MS4A6E: variants seen among roughly 807,000 people sequenced by gnomAD.
The protein encoded by MS4A6E is membrane spanning 4-domains A6E, also known as membrane-spanning 4-domains subfamily A member 6E.
A neutral mutation model predicts 13.2 loss-of-function variants in MS4A6E; 8 were observed. The observed-to-expected ratio is 0.60, with a 90% confidence interval of 0.35 to 1.09. The LOEUF (loss-of-function observed/expected upper bound fraction) is 1.09, where lower values mean the gene tolerates loss of function less well. Ranked by LOEUF, MS4A6E falls within the 50% of genes least tolerant of loss-of-function variation. The pLI, the probability that MS4A6E is intolerant of heterozygous loss-of-function variation, is 0.02. For synonymous variants in MS4A6E, 72 were observed against 67.6 expected (o/e 1.06, Z -0.32); for missense variants, 177 against 171.1 (o/e 1.03, Z -0.19).
At chr11:60,344,781 C>T (rs1210393047), downstream of MS4A6E, among the ~76,000 whole-genome samples, 1 of 152,166 alleles carries the variant, frequency 6.6e-6, no homozygotes, top group African/African-American at 2.4e-5. Flanking sequence ...GATCAGCTAA[C>T]CTATTTCCTT....
chr11:60,342,178 T>A (rs61898273), downstream of MS4A6E, among the ~76,000 whole-genome samples: 41 of 27,798 alleles, frequency 1.5e-3, no homozygotes, highest in African/African-American at 3.9e-3. Context: ...TGTGTGTGTG[T>A]GAGAGAGAGA....
chr11:60,335,986 C>T (rs1356860312), intron 2 of MS4A6E, among the ~76,000 whole-genome samples: 1 of 152,064 alleles, frequency 6.6e-6, no homozygotes, highest in Non-Finnish European at 1.5e-5. Flanking sequence ...GGGAGAGGAT[C>T]AGGAAAAATA....
At chr11:60,344,650 G>T (rs1345259796), downstream of MS4A6E, among the ~76,000 whole-genome samples, 1 of 152,124 alleles carries the variant, frequency 6.6e-6, no homozygotes, top group East Asian at 1.9e-4. Context: ...CTTGAGAAGT[G>T]GCCCATTCTA....
chr11:60,331,638 A>T (rs1031405183), intron 1 of MS4A6E, among the ~76,000 whole-genome samples: 1 of 152,212 alleles, frequency 6.6e-6, no homozygotes, highest in African/African-American at 2.4e-5. Flanking sequence ...TCACATAAGG[A>T]TGAACATAAT....
chr11:60,336,650 AGGAG>A, intron 2 of MS4A6E, among the ~76,000 whole-genome samples: 1 of 152,202 alleles, frequency 6.6e-6, no homozygotes, highest in East Asian at 1.9e-4. Flanking sequence ...ACTGGCTACT[AGGAG>A]GCCCAGGAGT....
chr11:60,344,158 C>T (rs1279238166), downstream of MS4A6E, among the ~76,000 whole-genome samples: 2 of 152,200 alleles, frequency 1.3e-5, no homozygotes, highest in African/African-American at 4.8e-5. Flanking sequence ...TTTAAAAGGG[C>T]TCACTTTGTC....
chr11:60,335,137 C>T, intron 2 of MS4A6E, 95 bp downstream of exon 2: 1 of 1,513,180 alleles, frequency 6.6e-7, no homozygotes, highest in Admixed American at 2.2e-5. Flanking sequence ...AGTGTGGAGA[C>T]CCTTAAGTTT....
rs772408050 is a variant in MS4A6E, at chr11:60,335,033, A to G, written c.138A>G (p.Lys46=). The change falls in exon 2 of 5, where the codon AAA becomes AAG. Residue 46 remains lysine, a synonymous_variant. Coordinates refer to ENST00000684409, the MANE Select transcript of MS4A6E (RefSeq NM_139249.4). ...SLKKRLQAKV[K]VIGVHSSLAG... ...AGAAACGTCTACAGGCAAAAGTCAA[A>G]GTTATTGGGGTAAATCTAATTCAGA... 1.2e-6 allele frequency: 2 copies of G among 1,614,082 alleles called. No individual in the cohort carries two copies. The highest frequency in any genetic ancestry group is 1.6e-4 in the Middle Eastern group (1 of 6,062).
downstream of MS4A6E, among the ~76,000 whole-genome samples, chr11:60,343,636 G>A (rs1010059591): frequency 6.6e-6 from 1 of 152,202 alleles, no homozygotes; most frequent in Non-Finnish European, 1.5e-5. Flanking sequence ...GTGTTAAAAA[G>A]AAGTGCTAAT....
At chr11:60,328,276 T>C (rs2085132470) in intron 1 of MS4A6E, among the ~76,000 whole-genome samples, 1 of 152,100 alleles carries the variant, frequency 6.6e-6, no homozygotes, top group Non-Finnish European at 1.5e-5. Context: ...GTAAGTGAAA[T>C]TTAAAGATTT....
chr11:60,333,048 T>G (rs1401388330), intron 1 of MS4A6E, among the ~76,000 whole-genome samples: 6 of 152,258 alleles, frequency 3.9e-5, no homozygotes. Context: ...GGAAGAAACT[T>G]CTCACTTACA....
chr11:60,333,996 G>C (rs1211594828), intron 1 of MS4A6E, among the ~76,000 whole-genome samples: 1 of 152,186 alleles, frequency 6.6e-6, no homozygotes, highest in African/African-American at 2.4e-5. Context: ...CTGATACAGT[G>C]AGACTCGATC....
At chr11:60,343,224 G>A (rs1009712665), downstream of MS4A6E, among the ~76,000 whole-genome samples, 3 of 152,280 alleles carry the variant, frequency 2.0e-5, no homozygotes, top group South Asian at 6.2e-4. Context: ...GGGTACCATA[G>A]GCCATAACCA....
In MS4A6E at chr11:60,337,846, T is replaced by C; in HGVS notation, c.253T>C (p.Cys85Arg). The change falls in exon 3 of 5, where the codon TGT (cysteine) becomes CGT (arginine). Residue 85 changes from cysteine to arginine, a missense_variant. Cys to Arg is a radical substitution (Grantham distance 180). Coordinates refer to ENST00000684409, the MANE Select transcript of MS4A6E (RefSeq NM_139249.4). ...PAALNPASLQ[C>R]KLDEKDIPTR... ...TGCATTAAATCCTGCCTCATTGCAG[T>C]GTAAGTTGGACGAAAAGGATATACC... 1 of 1,614,210 alleles carries C rather than the reference T, an allele frequency of 6.2e-7. No homozygotes were observed. Among genetic ancestry groups the C allele is most frequent in the South Asian group, 1.1e-5 (1 of 91,076 alleles).
Position 60,337,896 on chromosome 11 carries a change from T to A in MS4A6E, c.303T>A (p.Asp101Glu), listed in dbSNP as rs140407670. Reference sequence around the variant, plus strand: ...CAACCAGACTTCTTCTTTCTTATGATTATCATTCACCTTACACCATGGACT... The same window carrying A: ...CAACCAGACTTCTTCTTTCTTATGAATATCATTCACCTTACACCATGGACT... Reference protein sequence around the residue: ...DIPTRLLLSYDYHSPYTMDCH... With the variant: ...DIPTRLLLSYEYHSPYTMDCH... Residue 101 changes from aspartate (D) to glutamate (E), a missense_variant, in exon 3 of 5, where the codon GAT (aspartate) becomes GAA (glutamate). Transcript: ENST00000684409. The A allele has an allele frequency of 2.4e-5, 38 of 1,614,080 alleles. No individual in the cohort carries two copies. The African/African-American group carries it at 4.9e-4, about 21-fold the overall frequency.
intron 1 of MS4A6E, among the ~76,000 whole-genome samples, chr11:60,328,161 G>T (rs1295336907): frequency 6.6e-6 from 1 of 152,042 alleles, no homozygotes; most frequent in Non-Finnish European, 1.5e-5. Flanking sequence ...GAACTAGGAT[G>T]TTTGGTGAAA....
Position 60,334,937 on chromosome 11 carries a change from C to G in MS4A6E, c.42C>G (p.Leu14=). 6.2e-7 allele frequency: 1 copy of G among 1,614,090 alleles called. No homozygotes were observed. The highest frequency in any genetic ancestry group is 1.1e-5 in the South Asian group (1 of 91,078). The change falls in exon 2 of 5, where the codon CTC becomes CTG. Residue 14 remains leucine (L), a synonymous_variant. Transcript: ENST00000684409. ...TTTCCAATGAGACCATCATAATGCT[C>G]CCATCAAATGTCATCAACTTCTCCC... ...QPISNETIIM[L]PSNVINFSQA... is the part of the protein sequence containing the mutation.
rs749175321 is a variant in MS4A6E at position 60,337,783 on chromosome 11, G to T, written c.190G>T (p.Ala64Ser). 6.2e-7 allele frequency: 1 copy of T among 1,614,162 alleles called. No individual in the cohort carries two copies. ...LAGSILSALS[A>S]LVGFILLSVN... is the part of the protein sequence containing the mutation. ...TGGAAGCATTCTGAGTGCTCTGTCT[G>T]CCCTGGTGGGTTTCATTCTCCTGTC... is the stretch of plus-strand genomic sequence containing the variant. Residue 64 changes from alanine (A) to serine (S), a missense_variant, in exon 3 of 5, where the codon GCC (alanine) becomes TCC (serine). Physicochemically the swap from Ala to Ser is moderately conservative, Grantham distance 99. Coordinates refer to ENST00000684409, the MANE Select transcript of MS4A6E (RefSeq NM_139249.4).
At chr11:60,335,080 G>T (rs2085180351) in intron 2 of MS4A6E, 38 bp downstream of exon 2, 2 of 1,609,366 alleles carry the variant, frequency 1.2e-6, no homozygotes, top group Non-Finnish European at 1.7e-6. Context: ...AGGGGTTAGG[G>T]GAAGTGGGAA....
Sources: gnomAD v4.1 joint callset for allele counts (sites outside exome capture counted in the v4.1 genomes callset) on GRCh38, gnomAD v4.1.1 for gene constraint, MANE v1.5 for transcripts, NCBI Gene and HGNC (gene_info 2026-07-23, HGNC 2026-07-21) for gene names.